Variants in STK35 observed in about 807,000 individuals in gnomAD.
STK35 encodes serine/threonine kinase 35.
In STK35, 17 loss-of-function variants were observed where a neutral mutation model predicts 37.3. The observed-to-expected ratio is 0.46, with a 90% CI of 0.31 to 0.68. STK35 has a LOEUF of 0.68. Ranked by LOEUF, STK35 falls within the 30% of genes least tolerant of loss-of-function variation. The pLI is 0.05. For synonymous variants in STK35, 385 were observed against 319.1 expected, an observed-to-expected ratio of 1.21 and a Z score of -2.20; for missense variants, 595 against 746.7, an observed-to-expected ratio of 0.80 and a Z score of 2.37.
intron 2 of STK35, among the ~76,000 whole-genome samples, chr20:2,115,006 G>C (rs1336959886): frequency 6.6e-6 from 1 of 152,268 alleles, no homozygotes; most frequent in Admixed American, 6.5e-5. Flanking sequence ...TACATAGAGG[G>C]CCTCTGCCCA....
rs536972927 is a variant in STK35 at position 2,102,279 on chromosome 20, C to A, written c.294+104C>A. 2.4e-5 allele frequency: 32 copies of A among 1,347,240 alleles called. 2 individuals carry two copies. The South Asian group carries it at 5.2e-4, about 22-fold the overall frequency. The allele number at this position is 1,347,240 out of a possible 1,614,324, so 83.5% of individuals were successfully genotyped here. On this transcript the variant is annotated intron_variant, in intron 1 of 3. Transcript: ENST00000381482. ...ATCGGGTCCTCGGCCAGTCGCACTC[C>A]GAGAAGCCGAACTTTTCAGCCAATC... is the stretch of plus-strand genomic sequence containing the variant.
intron 2 of STK35, among the ~76,000 whole-genome samples, chr20:2,112,611 G>A (rs546324439): frequency 1.1e-3 from 162 of 152,198 alleles, no homozygotes; most frequent in Middle Eastern, 3.4e-3. Context: ...AAGGGCCCTC[G>A]GGCAGACTCT....
intron 2 of STK35, among the ~76,000 whole-genome samples, chr20:2,115,407 A>G (rs974929513): frequency 5.3e-5 from 8 of 152,294 alleles, no homozygotes; most frequent in African/African-American, 1.7e-4. Flanking sequence ...TGCATACTCC[A>G]TACTGGGGCC....
At chr20:2,105,156 C>CA (rs36092926) in intron 2 of STK35, among the ~76,000 whole-genome samples, 5,689 of 126,284 alleles carry the variant, frequency 0.045, 405 homozygotes, top group African/African-American at 0.15. Flanking sequence ...GACCCTGTCT[C>CA]AAAAAAAAAA....
At chr20:2,141,789 G>A (rs1986176327) in intron 3 of STK35, among the ~76,000 whole-genome samples, 1 of 152,162 alleles carries the variant, frequency 6.6e-6, no homozygotes, top group African/African-American at 2.4e-5. Flanking sequence ...CCCCAGGGAA[G>A]TGCTTTTGTC....
At chr20:2,132,732 A>G (rs371683279) in intron 3 of STK35, among the ~76,000 whole-genome samples, 2 of 152,330 alleles carry the variant, frequency 1.3e-5, no homozygotes, top group Non-Finnish European at 2.9e-5. Flanking sequence ...CTTTGCTTCT[A>G]TATTGGTGTC....
Position 2,102,761 on chromosome 20 carries a change from C to G in STK35, c.295-7C>G, listed in dbSNP as rs753792518. 9.5e-5 allele frequency: 135 copies of G among 1,426,736 alleles called. No individual in the cohort carries two copies. Among genetic ancestry groups the G allele is most frequent in the Non-Finnish European group, 1.2e-4 (130 of 1,086,218 alleles). The allele number at this position is 1,426,736 out of a possible 1,614,324, so 88.4% of individuals were successfully genotyped here. On this transcript the variant is annotated splice_polypyrimidine_tract_variant and splice_region_variant and intron_variant, in intron 1 of 3. Coordinates refer to ENST00000381482, the MANE Select transcript of STK35 (RefSeq NM_080836.4). ...CCTGGCCGTTTAACCGATTCTTTCG[C>G]CCGCAGGTCACAATCCAAGGTCCGG...
Position 2,117,823 on chromosome 20 carries a change from G to A in STK35, c.*37+408G>A, listed in dbSNP as rs1985744394. Among the ~76,000 whole-genome samples, 1 of 152,188 alleles carries A rather than the reference G, an allele frequency of 6.6e-6. No individual in the cohort carries two copies. The highest frequency in any genetic ancestry group is 1.5e-5 in the Non-Finnish European group (1 of 68,048). The stretch of plus-strand genomic sequence containing the variant: ...CTGGCATGGGCCCTGTGAACTTGCA[G>A]GGGAATACAAAGTTGAAGAAAATGA... On this transcript the variant is annotated intron_variant, in intron 3 of 3. Transcript: ENST00000381482. The surrounding 1 kb of genome is among the most constrained non-coding windows in gnomAD (Gnocchi z 4.4).
At chr20:2,127,320 C>T (rs371011527) in intron 3 of STK35, among the ~76,000 whole-genome samples, 3 of 151,648 alleles carry the variant, frequency 2.0e-5, no homozygotes, top group South Asian at 2.1e-4. Context: ...CTAGGCATGC[C>T]TAGGGCAAAT....
At chr20:2,143,661 C>T in intron 3 of STK35, 123 bp from the exon 4 acceptor site, 1 of 242,222 alleles carries the variant, frequency 4.1e-6, no homozygotes. Context: ...AGATTTACCC[C>T]ATCTCTTTAG....
At chr20:2,142,739 A>G (rs1360094987) in intron 3 of STK35, among the ~76,000 whole-genome samples, 2 of 152,210 alleles carry the variant, frequency 1.3e-5, no homozygotes, top group South Asian at 4.1e-4. Context: ...CCTGGGTGAC[A>G]GAGCAAGACC....
At chr20:2,141,159 A>G (rs1177041652) in intron 3 of STK35, among the ~76,000 whole-genome samples, 2 of 152,222 alleles carry the variant, frequency 1.3e-5, no homozygotes, top group African/African-American at 2.4e-5. Context: ...TGCTGTGTCT[A>G]CGGAAAGCAC....
chr20:2,125,929 G>A (rs1337559729), intron 3 of STK35, among the ~76,000 whole-genome samples: 5 of 152,224 alleles, frequency 3.3e-5, no homozygotes, highest in Admixed American at 6.5e-5. Flanking sequence ...TTAGGCCAGC[G>A]TCTGGCACCA....
rs1216810196 is a variant in STK35 at position 2,117,867 on chromosome 20, T to TC, written c.*37+459dup. ...AAAATGAAGTGCTTCTTTTCAAAGA[T>TC]CCCCCCCATATCTTGATGGGAGAAA... On this transcript the variant is annotated intron_variant, in intron 3 of 3. Coordinates refer to ENST00000381482, the MANE Select transcript of STK35 (RefSeq NM_080836.4). The surrounding 1 kb of genome is among the most constrained non-coding windows in gnomAD (Gnocchi z 4.4). Among the ~76,000 whole-genome samples, 3 of 152,094 alleles carry TC rather than the reference T, an allele frequency of 2.0e-5. No individual in the cohort carries two copies. Among genetic ancestry groups the TC allele is most frequent in the Non-Finnish European group, 4.4e-5 (3 of 68,016 alleles).
chr20:2,118,448 GGC>G (rs370066042), intron 3 of STK35, among the ~76,000 whole-genome samples: 64 of 152,308 alleles, frequency 4.2e-4, no homozygotes, highest in African/African-American at 1.5e-3. Flanking sequence ...CAGGCGTGGT[GGC>G]GGGCACTTGT....
chr20:2,130,235 G>A (rs1283145870), intron 3 of STK35, among the ~76,000 whole-genome samples: 3 of 152,138 alleles, frequency 2.0e-5, no homozygotes, highest in East Asian at 3.9e-4. Context: ...AGTGGCGCCC[G>A]TTTATCTGGG....
chr20:2,132,362 T>C (rs1986014791), intron 3 of STK35, among the ~76,000 whole-genome samples: 1 of 152,250 alleles, frequency 6.6e-6, no homozygotes, highest in Non-Finnish European at 1.5e-5. Context: ...GCAGGGGCCA[T>C]AGCACGTCCA....
rs755950854 is a variant in STK35 at position 2,117,116 on chromosome 20, TAGAA to T, written c.1348_1351del (p.Arg450SerfsTer31). On this transcript the variant is annotated frameshift_variant, in exon 3 of 4. Transcript: ENST00000381482. LOFTEE classifies it high-confidence loss of function. This position sits in a 1 kb window ranked among gnomAD's most constrained non-coding sequence, Gnocchi z 4.4. The stretch of plus-strand genomic sequence containing the variant: ...CTGGGCATTATCATCTGGGCAATGA[TAGAA>T]AGAATCACTTTTATTGACTCTGAGA... 6.2e-7 allele frequency: 1 copy of T among 1,613,816 alleles called. No individual in the cohort carries two copies. The highest frequency in any genetic ancestry group is 8.5e-7 in the Non-Finnish European group (1 of 1,179,780).
intron 3 of STK35, among the ~76,000 whole-genome samples, chr20:2,142,830 G>A (rs1288989075): frequency 6.6e-6 from 1 of 152,204 alleles, no homozygotes. Flanking sequence ...CCCTGCCCAG[G>A]ACAGCGCTAT....
Sources: allele counts gnomAD v4.1 joint callset (sites outside exome capture counted in the v4.1 genomes callset), GRCh38; gene constraint gnomAD v4.1.1; non-coding constraint Gnocchi (gnomAD v3.1); transcripts MANE v1.5; gene names NCBI Gene and HGNC (gene_info 2026-07-23, HGNC 2026-07-21).